Variants in DPP3 observed in about 807,000 individuals in gnomAD.
The protein encoded by DPP3 is dipeptidyl peptidase 3.
Under a neutral mutation model 89.8 loss-of-function variants are expected in DPP3, and 64 were observed. The ratio of observed to expected loss-of-function variants is 0.71; its 90% CI spans 0.58 to 0.88. The LOEUF is 0.88. DPP3 is among the 40% of genes least tolerant of loss of function. The pLI is 0.00. For synonymous variants in DPP3, 377 were observed against 404.3 expected, an observed-to-expected ratio of 0.93 and a Z score of 0.81; for missense variants, 835 against 972.5, an observed-to-expected ratio of 0.86 and a Z score of 1.88.
rs1462509737 is a variant in DPP3, at chr11:66,504,690, G to A, written c.1957G>A (p.Glu653Lys). ...GYATVTDAPP[E>K]CFLTLRDTVL... ...TGCAACAGTCACTGATGCGCCCCCCGAGTGCTTCCTCACCCTCAGGGACAC... is the reference window on the plus strand; with the variant it reads ...TGCAACAGTCACTGATGCGCCCCCCAAGTGCTTCCTCACCCTCAGGGACAC... Residue 653 changes from glutamate (E) to lysine (K), a missense_variant, in exon 17 of 18, where the codon GAG (glutamate) becomes AAG (lysine). Transcript: ENST00000531863. The A allele has an allele frequency of 5.6e-6, 9 of 1,613,176 alleles. No individual in the cohort carries two copies. The highest frequency in any genetic ancestry group is 2.2e-5 in the South Asian group (2 of 91,026).
rs1855426625 is a variant in DPP3 at position 66,492,776 on chromosome 11, C to T, written c.1049C>T (p.Ala350Val). ...AAGTTTGAGCGGCTGGTGGCGAGCG[C>T]AGAGCAGCTGCTGAAGGAGCTGCCC... ...SAKFERLVAS[A>V]EQLLKELPWP... is the part of the protein sequence containing the mutation. Residue 350 changes from alanine to valine, a missense_variant, in exon 10 of 18, where the codon GCA (alanine) becomes GTA (valine). By Grantham distance (64) the Ala-to-Val change is moderately conservative. Transcript: ENST00000531863. 8 of 1,613,612 alleles carry T rather than the reference C, an allele frequency of 5.0e-6. No individual in the cohort carries two copies. Among genetic ancestry groups the T allele is most frequent in the Admixed American group, 1.7e-5 (1 of 59,906 alleles).
intron 6 of DPP3, 150 bp from the exon 7 acceptor site, chr11:66,491,103 C>A: frequency 1.6e-6 from 2 of 1,217,032 alleles, no homozygotes; most frequent in South Asian, 1.4e-5. Context: ...AGTTTATGCT[C>A]ATGTCTGTTG....
chr11:66,481,937 C>T, intron 1 of DPP3: 1 of 523,172 alleles, frequency 1.9e-6, no homozygotes, highest in Non-Finnish European at 3.4e-6. Context: ...TGTGAGCCAC[C>T]ATGCCTGACC....
chr11:66,497,581 A>G, intron 16 of DPP3, 104 bp downstream of exon 16: 3 of 1,430,722 alleles, frequency 2.1e-6, no homozygotes, highest in South Asian at 1.4e-5. Flanking sequence ...CTTATGCTGC[A>G]GTGAGGAAAG....
chr11:66,502,054 G>A (rs916598554), intron 16 of DPP3, among the ~76,000 whole-genome samples: 14 of 151,130 alleles, frequency 9.3e-5, no homozygotes, highest in East Asian at 4.0e-4. Flanking sequence ...TTAGCTGGGC[G>A]TGGTGGTGCA....
In DPP3 at chr11:66,486,690, A is replaced by C; in HGVS notation, c.498+13A>C. ...ACTGGGGAAGGAGGTGAGGCCCCTGACTCCCCCGAGGGGACAGGGAGTGGA... is the reference window on the plus strand; with the variant it reads ...ACTGGGGAAGGAGGTGAGGCCCCTGCCTCCCCCGAGGGGACAGGGAGTGGA... On this transcript the variant is annotated intron_variant, in intron 4 of 17. Coordinates refer to ENST00000531863, the MANE Select transcript of DPP3 (RefSeq NM_130443.4). The C allele has an allele frequency of 2.0e-6, 3 of 1,482,756 alleles. No individual in the cohort carries two copies. The highest frequency in any genetic ancestry group is 2.7e-6 in the Non-Finnish European group (3 of 1,113,118). 91.8% of individuals were successfully genotyped at this position (1,482,756 alleles called of 1,614,324 possible). A position where few individuals can be genotyped will look rare whatever the true frequency, so the allele number is the denominator to read the frequency against.
chr11:66,501,923 C>T (rs1268953945), intron 16 of DPP3, among the ~76,000 whole-genome samples: 2 of 151,630 alleles, frequency 1.3e-5, no homozygotes, highest in African/African-American at 4.8e-5. Flanking sequence ...ATCGGCTGGG[C>T]ACGGTGGCTC....
chr11:66,499,775 G>T (rs1461569244), intron 16 of DPP3, among the ~76,000 whole-genome samples: 1 of 142,296 alleles, frequency 7.0e-6, no homozygotes, highest in Non-Finnish European at 1.5e-5. Context: ...GCCTCAAAAA[G>T]AAAAAAAAAA....
chr11:66,491,868 G>A (rs1855403640), intron 9 of DPP3, 112 bp downstream of exon 9: 2 of 1,183,338 alleles, frequency 1.7e-6, no homozygotes, highest in Non-Finnish European at 2.5e-6. Flanking sequence ...AACCATAACA[G>A]TAAGAACAGC....
Position 66,497,480 on chromosome 11 carries a change from A to G in DPP3, c.1878+3A>G, listed in dbSNP as rs1215239356. 1.2e-5 allele frequency: 20 copies of G among 1,612,164 alleles called. No individual in the cohort carries two copies. The South Asian group carries it at 2.1e-4, about 17-fold the overall frequency. On this transcript the variant is annotated splice_donor_region_variant and intron_variant, in intron 16 of 17. Coordinates refer to ENST00000531863, the MANE Select transcript of DPP3 (RefSeq NM_130443.4). The stretch of plus-strand genomic sequence containing the variant: ...AGCGCTTCCTGCGGAGACTTCAGGT[A>G]AGCAAAGGCCTCTCGTCTGGATGGG...
chr11:66,481,936 C>G (rs1010468318), intron 1 of DPP3: 1 of 520,942 alleles, frequency 1.9e-6, no homozygotes, highest in African/African-American at 1.9e-5. Flanking sequence ...GTGTGAGCCA[C>G]CATGCCTGAC....
At chr11:66,491,845 C>T (rs545193609) in intron 9 of DPP3, 89 bp downstream of exon 9, 26 of 1,393,922 alleles carry the variant, frequency 1.9e-5, no homozygotes, top group Non-Finnish European at 2.0e-5. Context: ...TCTCCCCACC[C>T]CCGCTCAGCC....
intron 17 of DPP3, among the ~76,000 whole-genome samples, chr11:66,508,706 G>A (rs754136514): frequency 6.6e-6 from 1 of 151,958 alleles, no homozygotes. Flanking sequence ...TGTATGTTTA[G>A]TATAAACAGT....
chr11:66,492,645 T>C (rs1855421429), intron 9 of DPP3, 71 bp from the exon 10 acceptor site: 6 of 1,503,840 alleles, frequency 4.0e-6, no homozygotes, highest in Non-Finnish European at 5.4e-6. Flanking sequence ...ACATGCGTGA[T>C]GGCTGGAGTA....
In DPP3 at chr11:66,482,157, G is replaced by A. The variant is rs75447316; in HGVS notation, c.-8-36G>A. ...GAGCCAGGTATGCAATTGGTATGGG[G>A]TAAACAACAGCTGTGATGACAGTGA... On this transcript the variant is annotated intron_variant, in intron 1 of 17. Transcript: ENST00000531863. 2,148 of 1,608,716 alleles carry A rather than the reference G, an allele frequency of 1.3e-3. 31 individuals carry two copies. The African/African-American group carries it at 0.023, about 17-fold the overall frequency.
intron 16 of DPP3, 120 bp from the exon 17 acceptor site, chr11:66,504,492 C>A: frequency 8.9e-7 from 1 of 1,123,880 alleles, no homozygotes; most frequent in Non-Finnish European, 1.2e-6. Flanking sequence ...TTGGAGGGGA[C>A]ACATTCAAAC....
In DPP3 at chr11:66,492,948, C is replaced by A. The variant is rs950130877; in HGVS notation, c.1183+38C>A. On this transcript the variant is annotated intron_variant, in intron 10 of 17. Transcript: ENST00000531863. ...GGCCCAGCCCCCGAGCCCCAGAAAC[C>A]TTCCTTTAGAGTCGCCCCTCCCTGT... is the stretch of plus-strand genomic sequence containing the variant. 5 of 1,597,544 alleles carry A rather than the reference C, an allele frequency of 3.1e-6. No homozygotes were observed. The Admixed American group carries it at 8.5e-5, about 27-fold the overall frequency.
At chr11:66,503,589 A>T (rs1160149047) in intron 16 of DPP3, among the ~76,000 whole-genome samples, 1 of 152,128 alleles carries the variant, frequency 6.6e-6, no homozygotes, top group Non-Finnish European at 1.5e-5. Context: ...TGGGTGATTT[A>T]TAAAGAACAG....
intron 15 of DPP3, 129 bp downstream of exon 15, chr11:66,495,879 T>G (rs1418439376): frequency 7.0e-7 from 1 of 1,437,526 alleles, no homozygotes; most frequent in Non-Finnish European, 9.3e-7. Context: ...CTCCACTGTT[T>G]GGGAGGCAAG....
Sources: allele counts gnomAD v4.1 joint callset (sites outside exome capture counted in the v4.1 genomes callset), GRCh38; gene constraint gnomAD v4.1.1; transcripts MANE v1.5; gene names NCBI Gene and HGNC (gene_info 2026-07-23, HGNC 2026-07-21).